Variants in NCBP1 observed in about 807,000 individuals in gnomAD.
NCBP1 encodes nuclear cap binding protein subunit 1.
Under a neutral mutation model 111.7 loss-of-function variants are expected in NCBP1, and 16 were observed. The observed-to-expected ratio is 0.14, with a 90% CI of 0.10 to 0.22. NCBP1 has a LOEUF of 0.22. NCBP1 is among the 10% of genes least tolerant of loss of function. The pLI, the probability that NCBP1 is intolerant of heterozygous loss-of-function variation, is 1.00. For synonymous variants in NCBP1, 304 were observed against 314.3 expected, an observed-to-expected ratio of 0.97 and a Z score of 0.35; for missense variants, 607 against 957.5, an observed-to-expected ratio of 0.63 and a Z score of 4.83.
At chr9:97,663,170 A>T in intron 18 of NCBP1, 123 bp downstream of exon 18, 1 of 718,018 alleles carries the variant, frequency 1.4e-6, no homozygotes, top group South Asian at 1.7e-5. Flanking sequence ...AATGGTTTTT[A>T]GATCTAATTC....
intron 11 of NCBP1, among the ~76,000 whole-genome samples, chr9:97,654,383 A>G (rs1418980956): frequency 6.6e-6 from 1 of 152,224 alleles, no homozygotes; most frequent in Non-Finnish European, 1.5e-5. Context: ...TTGCTCATAC[A>G]TAGAAAGCAT....
At chr9:97,641,715 A>C in intron 3 of NCBP1, 53 bp downstream of exon 3, 1 of 1,460,090 alleles carries the variant, frequency 6.8e-7, no homozygotes, top group Non-Finnish European at 9.2e-7. Context: ...ATCTACTCTT[A>C]AATGCTTTGG....
chr9:97,648,671 G>A (rs1425981744), intron 8 of NCBP1, among the ~76,000 whole-genome samples: 1 of 152,176 alleles, frequency 6.6e-6, no homozygotes, highest in African/African-American at 2.4e-5. Context: ...AACAAGAACA[G>A]TGTCTGTCAC....
intron 15 of NCBP1, among the ~76,000 whole-genome samples, chr9:97,659,230 A>G (rs1827758376): frequency 6.6e-6 from 1 of 152,272 alleles, no homozygotes; most frequent in Non-Finnish European, 1.5e-5. Context: ...TGCCCTTTGC[A>G]TAGTATTTAC....
chr9:97,653,761 C>A, intron 10 of NCBP1, 37 bp from the exon 11 acceptor site: 1 of 1,480,866 alleles, frequency 6.8e-7, no homozygotes, highest in Non-Finnish European at 9.4e-7. Context: ...GCAAAGATAG[C>A]AGTTGGATTG....
intron 16 of NCBP1, 112 bp from the exon 17 acceptor site, chr9:97,661,930 T>G (rs535824599): frequency 6.9e-6 from 4 of 579,900 alleles, no homozygotes; most frequent in Admixed American, 3.4e-5. Flanking sequence ...CAAAAAACAT[T>G]ACACAAATAT....
rs1387304722 is a variant in NCBP1 at position 97,663,146 on chromosome 9, G to C, written c.1797+99G>C. On this transcript the variant is annotated intron_variant, in intron 18 of 22. Coordinates refer to ENST00000375147, the MANE Select transcript of NCBP1 (RefSeq NM_002486.5). ...GTTTTGTTTGTAAAACATGAAATTT[G>C]ACTCTGCCTAGATAATGGTTTTTAG... 3.3e-6 allele frequency: 3 copies of C among 899,840 alleles called. No individual in the cohort carries two copies. The African/African-American group carries it at 5.1e-5, about 15-fold the overall frequency. The allele number at this position is 899,840 out of a possible 1,614,324, so 55.7% of individuals were successfully genotyped here. A position where few individuals can be genotyped will look rare whatever the true frequency, so the allele number is the denominator to read the frequency against.
intron 9 of NCBP1, 64 bp from the exon 10 acceptor site, chr9:97,651,246 A>C: frequency 7.2e-7 from 1 of 1,380,372 alleles, no homozygotes; most frequent in African/African-American, 1.5e-5. Context: ...TGCTTTTGAA[A>C]CTGCTTATTT....
chr9:97,662,001 T>C (rs1827853602), intron 16 of NCBP1, 41 bp from the exon 17 acceptor site: 4 of 1,423,860 alleles, frequency 2.8e-6, no homozygotes, highest in Non-Finnish European at 4.0e-6. Flanking sequence ...AAGGAATTGC[T>C]GTGCTTACAT....
Position 97,658,695 on chromosome 9 carries a change from T to C in NCBP1, c.1429T>C (p.Cys477Arg), listed in dbSNP as rs1461575346. The C allele has an allele frequency of 2.5e-6, 4 of 1,613,632 alleles. No individual in the cohort carries two copies. Among genetic ancestry groups the C allele is most frequent in the Non-Finnish European group, 3.4e-6 (4 of 1,179,636 alleles). The change falls in exon 15 of 23, where the codon TGT becomes CGT. Residue 477 changes from cysteine (C) to arginine (R), a missense_variant. By Grantham distance (180) the Cys-to-Arg change is radical. Coordinates refer to ENST00000375147, the MANE Select transcript of NCBP1 (RefSeq NM_002486.5). The part of the protein sequence containing the change: ...DIVPPTFSAL[C>R]PANPTCIYKY... ...TGTTCCTCCTACCTTCTCAGCTCTG[T>C]GTCCTGCAAACCCAACCTGCATTTA...
intron 14 of NCBP1, among the ~76,000 whole-genome samples, chr9:97,657,912 A>C (rs140956286): frequency 0.11 from 10,778 of 101,314 alleles, 560 homozygotes; most frequent in East Asian, 0.22. Flanking sequence ...CTCTCTATAT[A>C]TATATATATA....
intron 10 of NCBP1, among the ~76,000 whole-genome samples, chr9:97,652,487 C>T (rs1827525758): frequency 6.6e-6 from 1 of 152,184 alleles, no homozygotes; most frequent in Non-Finnish European, 1.5e-5. Context: ...AAGAGCCAGC[C>T]ATGGTGGCAC....
intron 1 of NCBP1, among the ~76,000 whole-genome samples, chr9:97,635,414 C>CTTTTT (rs5899316): frequency 0.013 from 1,914 of 141,888 alleles, 88 homozygotes; most frequent in East Asian, 0.12. Flanking sequence ...AATTCCCTCC[C>CTTTTT]TTTTTTTTTT....
Position 97,666,808 on chromosome 9 carries a change from C to T in NCBP1, c.1947C>T (p.Asn649=). 1 of 1,608,952 alleles carries T rather than the reference C, an allele frequency of 6.2e-7. No individual in the cohort carries two copies. Among genetic ancestry groups the T allele is most frequent in the South Asian group, 1.1e-5 (1 of 89,708 alleles). ...EILHSTIRKM[N]KHVLKIQKEL... ...TGCACTCTACAATTCGTAAGATGAA[C>T]AAACATGTCCTGAAGATCCAGAAAG... The change falls in exon 20 of 23, where the codon AAC becomes AAT. Residue 649 remains asparagine, a synonymous_variant. Transcript: ENST00000375147.
At chr9:97,633,936 C>T (rs945563524) in intron 1 of NCBP1, 21 bp downstream of exon 1, 2 of 1,575,672 alleles carry the variant, frequency 1.3e-6, no homozygotes, top group African/African-American at 1.4e-5. Context: ...GCGGCCCGGC[C>T]ACGGAGGCCG....
chr9:97,638,181 T>G (rs535524889), intron 1 of NCBP1, among the ~76,000 whole-genome samples: 5 of 152,178 alleles, frequency 3.3e-5, no homozygotes, highest in Non-Finnish European at 7.3e-5. Flanking sequence ...TAAGTTCAGA[T>G]TTTGTCTGTA....
intron 17 of NCBP1, 60 bp downstream of exon 17, chr9:97,662,204 G>GATA (rs1827859671): frequency 8.2e-7 from 1 of 1,221,692 alleles, no homozygotes; most frequent in African/African-American, 1.5e-5. Context: ...GAACACCAGT[G>GATA]GTATGGTAAT....
intron 14 of NCBP1, 86 bp downstream of exon 14, chr9:97,656,171 G>A (rs1827647040): frequency 8.8e-7 from 1 of 1,130,802 alleles, no homozygotes; most frequent in East Asian, 2.5e-5. Flanking sequence ...TCAGAATATT[G>A]GATTCAAAAT....
Position 97,645,109 on chromosome 9 carries a change from C to T in NCBP1, c.382-8C>T, listed in dbSNP as rs1827297126. ...AGGTTTAATAGCAGAAATTGTTTGC[C>T]CCAACAGGTCCGTTTTTTATCTGAT... On this transcript the variant is annotated splice_polypyrimidine_tract_variant and splice_region_variant and intron_variant, in intron 4 of 22. Transcript: ENST00000375147. 6.2e-7 allele frequency: 1 copy of T among 1,605,822 alleles called. No individual in the cohort carries two copies.
Sources: allele counts gnomAD v4.1 joint callset (sites outside exome capture counted in the v4.1 genomes callset), GRCh38; gene constraint gnomAD v4.1.1; transcripts MANE v1.5; gene names NCBI Gene and HGNC (gene_info 2026-07-23, HGNC 2026-07-21).